MAGI2: variants seen among roughly 807,000 people sequenced by gnomAD.
MAGI2 encodes the protein membrane-associated guanylate kinase, WW and PDZ domain-containing protein 2.
In MAGI2, 35 loss-of-function variants were observed where a neutral mutation model predicts 133.3. That is an observed-to-expected ratio of 0.26 (90% CI 0.20 to 0.35). MAGI2 has a LOEUF of 0.35. MAGI2 is among the 10% of genes least tolerant of loss of function. The pLI, the probability that MAGI2 is intolerant of heterozygous loss-of-function variation, is 1.00. For synonymous variants in MAGI2, 729 were observed against 710.6 expected (o/e 1.03, Z -0.41); for missense variants, 1,636 against 1,863.4 (o/e 0.88, Z 2.25).
intron 6 of MAGI2, among the ~76,000 whole-genome samples, chr7:78,373,548 C>T (rs62461497): frequency 3.9e-5 from 3 of 77,608 alleles, no homozygotes; most frequent in Admixed American, 3.3e-4. Context: ...GTCACTTACT[C>T]TTACTATTGG....
At chr7:79,286,160 A>G (rs1468690372) in intron 1 of MAGI2, among the ~76,000 whole-genome samples, 2 of 152,058 alleles carry the variant, frequency 1.3e-5, no homozygotes. Flanking sequence ...CAAATAGAGG[A>G]AGTGTGTGAG....
chr7:79,310,198 G>A lies in MAGI2; in HGVS notation c.301+142822C>T, dbSNP rs1413055501. 8.8e-3 allele frequency among the ~76,000 whole-genome samples: 611 copies of A among 69,546 alleles called. 3 individuals carry two copies. The highest frequency in any genetic ancestry group is 0.012 in the African/African-American group (258 of 22,432). 45.6% of individuals were successfully genotyped at this position (69,546 alleles called of 152,430 possible). ...AAAAAAAAAAAAAAAAAAAAAAAGA[G>A]AGAGAGAGAGAAATATCTCCATCAG... On this transcript the variant is annotated intron_variant, in intron 1 of 21. Transcript: ENST00000354212.
intron 20 of MAGI2, among the ~76,000 whole-genome samples, chr7:78,088,818 T>C (rs560906045): frequency 5.9e-5 from 9 of 152,236 alleles, no homozygotes; most frequent in Non-Finnish European, 1.2e-4. Context: ...AGCTGTGTTA[T>C]GTTCCCTTAC....
At chr7:78,935,842 G>T (rs1289018073) in intron 2 of MAGI2, among the ~76,000 whole-genome samples, 1 of 152,026 alleles carries the variant, frequency 6.6e-6, no homozygotes, top group African/African-American at 2.4e-5. Context: ...TCTTGAGTGT[G>T]CTCAAGTCTG....
Position 78,652,959 on chromosome 7 carries a change from C to A in MAGI2, c.419-25720G>T, listed in dbSNP as rs564418023. Among the ~76,000 whole-genome samples the A allele has an allele frequency of 1.7e-3, 260 of 151,794 alleles. 1 individual carries two copies. Among genetic ancestry groups the A allele is most frequent in the African/African-American group, 6.1e-3 (252 of 41,430 alleles). ...ACAAGGGAAAAAAAAAACACCCCAT[C>A]AAAAAGTGGGCAAAGGATATGAACA... On this transcript the variant is annotated intron_variant, in intron 2 of 21. Coordinates refer to ENST00000354212, the MANE Select transcript of MAGI2 (RefSeq NM_012301.4).
intron 2 of MAGI2, among the ~76,000 whole-genome samples, chr7:78,752,778 T>G (rs1823578119): frequency 6.6e-6 from 1 of 152,192 alleles, no homozygotes; most frequent in African/African-American, 2.4e-5. Flanking sequence ...AAGGTCTCCT[T>G]TTCTCTTTCT....
intron 3 of MAGI2, among the ~76,000 whole-genome samples, chr7:78,606,590 G>A (rs1805839650): frequency 3.3e-5 from 5 of 151,962 alleles, no homozygotes; most frequent in Admixed American, 2.6e-4. Flanking sequence ...TTCTGAAAAT[G>A]CTATTTGTGT....
chr7:79,107,061 T>C (rs1818508423), intron 1 of MAGI2, among the ~76,000 whole-genome samples: 1 of 152,170 alleles, frequency 6.6e-6, no homozygotes, highest in Non-Finnish European at 1.5e-5. Flanking sequence ...ATAGGTTCCA[T>C]TATTTGGCAA....
chr7:78,916,568 G>C (rs764750508), intron 2 of MAGI2, among the ~76,000 whole-genome samples: 1 of 152,088 alleles, frequency 6.6e-6, no homozygotes, highest in East Asian at 1.9e-4. Flanking sequence ...TGAAAGTTTC[G>C]CAGAGGAGGG....
intron 2 of MAGI2, among the ~76,000 whole-genome samples, chr7:78,765,343 C>CTTTTTTTTTTTTTTTTT (rs10672746): frequency 2.2e-5 from 2 of 89,056 alleles, no homozygotes; most frequent in Non-Finnish European, 2.0e-5. Context: ...TAGTGCACAT[C>CTTTTTTTTTTTTTTTTT]TTTTTTTTTT....
chr7:78,547,440 G>A (rs542014067), intron 3 of MAGI2, among the ~76,000 whole-genome samples: 6 of 152,162 alleles, frequency 3.9e-5, no homozygotes, highest in Non-Finnish European at 8.8e-5. Context: ...AGTTTATTGC[G>A]GTGTATTGGT....
chr7:78,138,445 A>G (rs1288985322), intron 16 of MAGI2, among the ~76,000 whole-genome samples: 1 of 152,160 alleles, frequency 6.6e-6, no homozygotes, highest in African/African-American at 2.4e-5. Context: ...TGTGTGAAGT[A>G]ATTTCTTTGG....
At chr7:78,309,598 A>ATT (rs57717207) in intron 9 of MAGI2, among the ~76,000 whole-genome samples, 75,703 of 151,972 alleles carry the variant, frequency 0.5, 19,360 homozygotes, top group Middle Eastern at 0.58. Flanking sequence ...TGAAGGAATC[A>ATT]TATACCCCAA....
chr7:78,618,713 T>A (rs1220717242), intron 3 of MAGI2: 1 of 151,896 alleles, frequency 6.6e-6, no homozygotes, highest in Non-Finnish European at 1.5e-5. Flanking sequence ...TTCTGTCATT[T>A]GCAACAACAT....
At chr7:78,061,814 C>T (rs571537946) in intron 21 of MAGI2, among the ~76,000 whole-genome samples, 1 of 152,254 alleles carries the variant, frequency 6.6e-6, no homozygotes, top group Admixed American at 6.5e-5. Context: ...GAAAATCCAG[C>T]GAATACACTG....
chr7:78,783,590 G>A (rs556510189), intron 2 of MAGI2, among the ~76,000 whole-genome samples: 2 of 152,290 alleles, frequency 1.3e-5, no homozygotes, highest in East Asian at 3.9e-4. Flanking sequence ...CAGGAACCTG[G>A]AGCTTTGCCC....
Position 78,118,753 on chromosome 7 carries a change from G to A in MAGI2, c.3567+6941C>T, listed in dbSNP as rs1820130439. On this transcript the variant is annotated intron_variant, in intron 20 of 21. Transcript: ENST00000354212. Reference sequence around the variant, plus strand: ...CAGAAACTCTCAATCGTCACTGGTGGGAATGTAAAATGGTATAGCCAATTT... The same window carrying A: ...CAGAAACTCTCAATCGTCACTGGTGAGAATGTAAAATGGTATAGCCAATTT... 2.0e-5 allele frequency among the ~76,000 whole-genome samples: 3 copies of A among 152,124 alleles called. No individual in the cohort carries two copies. The South Asian group carries it at 6.2e-4, about 32-fold the overall frequency.
intron 15 of MAGI2, 143 bp from the exon 16 acceptor site, chr7:78,160,416 A>G: frequency 1.1e-6 from 1 of 950,248 alleles, no homozygotes. Context: ...TTTGCAGAGC[A>G]TTTGAAAAGC....
intron 1 of MAGI2, among the ~76,000 whole-genome samples, chr7:79,023,378 A>C (rs898243234): frequency 3.3e-4 from 51 of 152,328 alleles, no homozygotes; most frequent in Admixed American, 2.2e-3. Flanking sequence ...AGCCAACATC[A>C]TAATGAATGG....
Sources: gnomAD v4.1 joint callset for allele counts (sites outside exome capture counted in the v4.1 genomes callset) on GRCh38, gnomAD v4.1.1 for gene constraint, MANE v1.5 for transcripts, NCBI Gene and HGNC (gene_info 2026-07-23, HGNC 2026-07-21) for gene names.